Variants in L3MBTL4 observed in about 807,000 individuals in gnomAD.
The protein encoded by L3MBTL4 is L3MBTL histone methyl-lysine binding protein 4.
A neutral mutation model predicts 84.5 loss-of-function variants in L3MBTL4; 70 were observed. The ratio of observed to expected loss-of-function variants is 0.83; its 90% CI spans 0.68 to 1.01. The LOEUF (loss-of-function observed/expected upper bound fraction) is 1.01, where lower values mean the gene tolerates loss of function less well. L3MBTL4 is among the 50% of genes least tolerant of loss of function. The pLI is 0.00. For missense variants in L3MBTL4, 715 were observed against 754.8 expected (o/e 0.95, Z 0.62); for synonymous variants, 274 against 259.8 (o/e 1.05, Z -0.52).
At chr18:6,061,894 T>C (rs186626650) in intron 16 of L3MBTL4, among the ~76,000 whole-genome samples, 1 of 152,080 alleles carries the variant, frequency 6.6e-6, no homozygotes, top group African/African-American at 2.4e-5. Context: ...TATAGCAGAA[T>C]ATTCCCCAAT....
chr18:6,034,510 G>A (rs1439761056), intron 16 of L3MBTL4, among the ~76,000 whole-genome samples: 1 of 152,190 alleles, frequency 6.6e-6, no homozygotes, highest in Non-Finnish European at 1.5e-5. Context: ...GTATTCCATG[G>A]TGTATATGTG....
At chr18:6,210,241 C>T (rs78945126) in intron 12 of L3MBTL4, among the ~76,000 whole-genome samples, 2,966 of 152,276 alleles carry the variant, frequency 0.019, 88 homozygotes, top group African/African-American at 0.067. Context: ...GGATCTGCTG[C>T]GCTCTGTCAA....
chr18:6,014,976 TG>T (rs10715975), intron 16 of L3MBTL4, among the ~76,000 whole-genome samples: 48,569 of 151,438 alleles, frequency 0.32, 10,249 homozygotes, highest in African/African-American at 0.57. Flanking sequence ...TGGACTGAAG[TG>T]GGGTGGATAT....
At chr18:6,095,354 T>TTTTTTG (rs1459676843) in intron 14 of L3MBTL4, among the ~76,000 whole-genome samples, 24 of 147,486 alleles carry the variant, frequency 1.6e-4, no homozygotes, top group African/African-American at 5.2e-4. Flanking sequence ...TGGTTTTTTT[T>TTTTTTG]TTTTTTTTTT....
chr18:6,188,224 T>C (rs933643632), intron 12 of L3MBTL4, among the ~76,000 whole-genome samples: 1 of 151,948 alleles, frequency 6.6e-6, no homozygotes, highest in African/African-American at 2.4e-5. Flanking sequence ...TGTAGGATGG[T>C]ACTGACAATT....
chr18:6,121,249 C>T (rs917803919), intron 14 of L3MBTL4, among the ~76,000 whole-genome samples: 3 of 152,166 alleles, frequency 2.0e-5, no homozygotes, highest in East Asian at 1.9e-4. Flanking sequence ...GCATTTCTAA[C>T]GCAATCCTAA....
intron 1 of L3MBTL4, among the ~76,000 whole-genome samples, chr18:6,322,501 G>GGAAGGAAGGAAT: frequency 7.5e-6 from 1 of 133,162 alleles, no homozygotes; most frequent in Non-Finnish European, 1.6e-5. Flanking sequence ...AAGGAAGGAA[G>GGAAGGAAGGAAT]GAAAGAAGGA....
chr18:5,976,571 GCGT>G (rs1381508675), intron 16 of L3MBTL4, among the ~76,000 whole-genome samples: 1 of 152,264 alleles, frequency 6.6e-6, no homozygotes, highest in East Asian at 1.9e-4. Flanking sequence ...ATAACAGAAG[GCGT>G]GAAGACAGGA....
chr18:6,334,382 G>A (rs1479832307), intron 1 of L3MBTL4, among the ~76,000 whole-genome samples: 1 of 152,044 alleles, frequency 6.6e-6, no homozygotes, highest in East Asian at 1.9e-4. Context: ...TACTCTACAG[G>A]AAAACACAGG....
intron 16 of L3MBTL4, among the ~76,000 whole-genome samples, chr18:5,975,461 T>C (rs2052869430): frequency 6.6e-6 from 1 of 152,172 alleles, no homozygotes; most frequent in South Asian, 2.1e-4. Flanking sequence ...GACTGAGAAG[T>C]TACTCCACCC....
At chr18:6,223,944 G>A (rs982555844) in intron 10 of L3MBTL4, among the ~76,000 whole-genome samples, 7 of 152,004 alleles carry the variant, frequency 4.6e-5, no homozygotes, top group South Asian at 2.1e-4. Context: ...ATTTTGGAGC[G>A]GTTCGATATA....
chr18:6,361,811 A>C (rs1183627096), intron 1 of L3MBTL4, among the ~76,000 whole-genome samples: 1 of 152,028 alleles, frequency 6.6e-6, no homozygotes, highest in Non-Finnish European at 1.5e-5. Flanking sequence ...TGCTCTGAGC[A>C]ACTGAGGGAC....
chr18:5,987,599 C>T (rs928922454), intron 16 of L3MBTL4, among the ~76,000 whole-genome samples: 3 of 152,220 alleles, frequency 2.0e-5, no homozygotes, highest in African/African-American at 7.2e-5. Flanking sequence ...CCACCTTTAG[C>T]AGCCATTATC....
intron 3 of L3MBTL4, among the ~76,000 whole-genome samples, chr18:6,306,912 C>T (rs1008195504): frequency 6.6e-6 from 1 of 152,148 alleles, no homozygotes; most frequent in African/African-American, 2.4e-5. Context: ...AATCTCCTGA[C>T]CCATGCCCCA....
intron 1 of L3MBTL4, chr18:6,397,548 T>A (rs915099259): frequency 3.9e-5 from 6 of 152,054 alleles, no homozygotes; most frequent in African/African-American, 9.7e-5. Context: ...CATTATAAAA[T>A]CTATATCAAA....
intron 15 of L3MBTL4, among the ~76,000 whole-genome samples, chr18:6,091,243 GC>G (rs147422082): frequency 0.047 from 7,083 of 152,160 alleles, 197 homozygotes; most frequent in South Asian, 0.1. Flanking sequence ...TTGTTCCCTT[GC>G]CCTGGAATTT....
chr18:6,135,125 C>T (rs2059993606), intron 14 of L3MBTL4, among the ~76,000 whole-genome samples: 1 of 152,248 alleles, frequency 6.6e-6, no homozygotes, highest in African/African-American at 2.4e-5. Context: ...CTTCCACCCT[C>T]TGAAGCCATA....
chr18:6,203,631 A>G (rs1159408029), intron 12 of L3MBTL4, among the ~76,000 whole-genome samples: 1 of 152,184 alleles, frequency 6.6e-6, no homozygotes, highest in Non-Finnish European at 1.5e-5. Context: ...AAACCAGGGA[A>G]AAGAACAGCC....
chr18:6,031,639 C>T, intron 16 of L3MBTL4: 4 of 968,884 alleles, frequency 4.1e-6, no homozygotes, highest in Non-Finnish European at 3.7e-6. Context: ...CTGGGATGAC[C>T]AGGGCAGCTG....
Sources: gnomAD v4.1 joint callset for allele counts (sites outside exome capture counted in the v4.1 genomes callset) on GRCh38, gnomAD v4.1.1 for gene constraint, MANE v1.5 for transcripts, NCBI Gene and HGNC (gene_info 2026-07-23, HGNC 2026-07-21) for gene names.